KCTD1: variants seen among roughly 807,000 people sequenced by gnomAD.
KCTD1 encodes BTB/POZ domain-containing protein KCTD1.
A neutral mutation model predicts 66.0 loss-of-function variants in KCTD1; 24 were observed. The observed-to-expected ratio is 0.36, with a 90% CI of 0.26 to 0.51. KCTD1 has a LOEUF of 0.51. Among genes scored for constraint, KCTD1 ranks in the 20% least tolerant of loss-of-function variants. The pLI is 0.95. For missense variants in KCTD1, 943 were observed against 1,205.2 expected, an observed-to-expected ratio of 0.78 and a Z score of 3.22; for synonymous variants, 511 against 517.2, an observed-to-expected ratio of 0.99 and a Z score of 0.16.
chr18:26,475,302 A>G (rs1392951519), intron 3 of KCTD1, among the ~76,000 whole-genome samples: 1 of 152,134 alleles, frequency 6.6e-6, no homozygotes, highest in East Asian at 1.9e-4. Flanking sequence ...TGAAAAATCT[A>G]TTACTTAAGT....
chr18:26,498,101 T>G (rs1982571564), intron 2 of KCTD1, among the ~76,000 whole-genome samples: 1 of 152,224 alleles, frequency 6.6e-6, no homozygotes, highest in Non-Finnish European at 1.5e-5. Flanking sequence ...CAAGGAGACC[T>G]ATTTGTGCCT....
intron 3 of KCTD1, among the ~76,000 whole-genome samples, chr18:26,472,714 G>T (rs191395566): frequency 6.6e-6 from 1 of 152,352 alleles, no homozygotes; most frequent in East Asian, 1.9e-4. Context: ...TGGACTAGTG[G>T]CCAGTCACTG....
At chr18:26,597,796 G>C (rs1241950757) in intron 1 of KCTD1, among the ~76,000 whole-genome samples, 3 of 152,004 alleles carry the variant, frequency 2.0e-5, no homozygotes, top group African/African-American at 7.3e-5. Context: ...TGGGATTACA[G>C]GGGTCCGCTG....
chr18:26,577,674 T>TGA (rs1310528074), intron 1 of KCTD1, among the ~76,000 whole-genome samples: 4 of 152,148 alleles, frequency 2.6e-5, no homozygotes, highest in Non-Finnish European at 4.4e-5. Flanking sequence ...GCCTGCTGAA[T>TGA]GGCTAGGACT....
upstream of KCTD1, among the ~76,000 whole-genome samples, chr18:26,632,500 G>T (rs1987642505): frequency 6.6e-6 from 1 of 152,094 alleles, no homozygotes; most frequent in Non-Finnish European, 1.5e-5. Context: ...CAATAAAAGG[G>T]CAGTAAATAA....
At chr18:26,643,948 T>C (rs757098833), upstream of KCTD1, among the ~76,000 whole-genome samples, 7 of 150,910 alleles carry the variant, frequency 4.6e-5, no homozygotes, top group East Asian at 3.9e-4. Context: ...GGTGACAGAG[T>C]GAGACTCTGT....
intron 1 of KCTD1, among the ~76,000 whole-genome samples, chr18:26,597,454 G>A (rs370381076): frequency 6.6e-6 from 1 of 152,152 alleles, no homozygotes; most frequent in African/African-American, 2.4e-5. Flanking sequence ...ACTACCCTGT[G>A]ATTAGGGACT....
At chr18:26,494,917 G>A (rs932263821) in intron 2 of KCTD1, among the ~76,000 whole-genome samples, 24 of 151,890 alleles carry the variant, frequency 1.6e-4, no homozygotes, top group Admixed American at 1.4e-3. Context: ...CATCTGTGCC[G>A]AGACTACATA....
At chr18:26,549,396 G>A (rs1985450830), upstream of KCTD1, 1 of 985,444 alleles carries the variant, frequency 1.0e-6, no homozygotes, top group South Asian at 4.7e-5. Flanking sequence ...AAGACCTGGG[G>A]CGCTCCCCGT....
intron 1 of KCTD1, among the ~76,000 whole-genome samples, chr18:26,656,286 C>T (rs1186371209): frequency 2.0e-5 from 3 of 152,206 alleles, no homozygotes; most frequent in Non-Finnish European, 4.4e-5. Context: ...CCATTACCTG[C>T]AGCGCTCGCA....
At chr18:26,641,252 T>C (rs115204837), upstream of KCTD1, among the ~76,000 whole-genome samples, 5,725 of 152,282 alleles carry the variant, frequency 0.038, 145 homozygotes, top group African/African-American at 0.067. Context: ...TCCAAACATC[T>C]GGGGGCAGAG....
In KCTD1 at chr18:26,571,534, C is replaced by T. The variant is rs192597755; in HGVS notation, c.-16+57613G>A. Among the ~76,000 whole-genome samples, 20 of 152,218 alleles carry T rather than the reference C, an allele frequency of 1.3e-4. No individual in the cohort carries two copies. In the East Asian group the frequency reaches 3.7e-3, roughly 28 times the overall value. On this transcript the variant is annotated intron_variant, in intron 1 of 4. Transcript: ENST00000317932. ...CATCCTCCCGTGTACTTTAAATCATCTCTAGATTACTTATAATACCTAATA... is the reference window on the plus strand; with the variant it reads ...CATCCTCCCGTGTACTTTAAATCATTTCTAGATTACTTATAATACCTAATA...
chr18:26,527,968 A>G (rs2144766372), intron 1 of KCTD1, among the ~76,000 whole-genome samples: 1 of 152,348 alleles, frequency 6.6e-6, no homozygotes, highest in Middle Eastern at 3.4e-3. Context: ...CCTGAAATCT[A>G]GAAACTCTCT....
chr18:26,525,777 A>G (rs1410105130), intron 1 of KCTD1, among the ~76,000 whole-genome samples: 3 of 152,216 alleles, frequency 2.0e-5, no homozygotes, highest in Non-Finnish European at 4.4e-5. Context: ...GCTGGAGTGC[A>G]GTGACATGAT....
At chr18:26,490,890 C>T (rs890445585) in intron 2 of KCTD1, among the ~76,000 whole-genome samples, 3 of 151,738 alleles carry the variant, frequency 2.0e-5, no homozygotes, top group Non-Finnish European at 4.4e-5. Flanking sequence ...GTAGCTGGGA[C>T]TACAGGTGCA....
chr18:26,549,846 C>G (rs750040426), upstream of KCTD1: 61 of 978,652 alleles, frequency 6.2e-5, no homozygotes, highest in Non-Finnish European at 7.4e-5. Context: ...CTCGCTTTCC[C>G]ATAGGAGACA....
At chr18:26,637,449 G>C (rs1168811985) in intron 1 of KCTD1, among the ~76,000 whole-genome samples, 1 of 152,186 alleles carries the variant, frequency 6.6e-6, no homozygotes, top group East Asian at 1.9e-4. Context: ...GGAGGCGCTG[G>C]GTGTGTGGGC....
intron 1 of KCTD1, chr18:26,545,017 A>G (rs1268058788): frequency 6.6e-6 from 1 of 152,218 alleles, no homozygotes; most frequent in African/African-American, 2.4e-5. Flanking sequence ...AAAGATAATG[A>G]CTGAAAGACT....
chr18:26,614,920 T>G (rs1987217024), intron 1 of KCTD1, among the ~76,000 whole-genome samples: 1 of 152,256 alleles, frequency 6.6e-6, no homozygotes, highest in African/African-American at 2.4e-5. Flanking sequence ...CACTAACAAT[T>G]TGCTCATTGA....
Sources: gnomAD v4.1 joint callset for allele counts (sites outside exome capture counted in the v4.1 genomes callset) on GRCh38, gnomAD v4.1.1 for gene constraint, MANE v1.5 for transcripts, NCBI Gene and HGNC (gene_info 2026-07-23, HGNC 2026-07-21) for gene names.